PARD3: variants seen among roughly 807,000 people sequenced by gnomAD.
PARD3 encodes the protein partitioning defective 3 homolog.
In PARD3, 75 loss-of-function variants were observed where a neutral mutation model predicts 155.4. The ratio of observed to expected loss-of-function variants is 0.48; its 90% confidence interval spans 0.40 to 0.58. The LOEUF (loss-of-function observed/expected upper bound fraction) is 0.58. Ranked by LOEUF, PARD3 falls within the 20% of genes least tolerant of loss-of-function variation. The pLI is 0.00. For missense variants in PARD3, 1,642 were observed against 1,721.7 expected (o/e 0.95, Z 0.82); for synonymous variants, 576 against 610.5 (o/e 0.94, Z 0.83).
At chr10:34,504,472 A>G (rs1208255948) in intron 3 of PARD3, among the ~76,000 whole-genome samples, 1 of 152,170 alleles carries the variant, frequency 6.6e-6, no homozygotes, top group African/African-American at 2.4e-5. Context: ...TATGTAGGCA[A>G]TAAATTGACA....
chr10:34,727,201 T>C (rs1590839994), intron 1 of PARD3, among the ~76,000 whole-genome samples: 2 of 152,114 alleles, frequency 1.3e-5, no homozygotes, highest in East Asian at 1.9e-4. Flanking sequence ...GCCAGGCAGG[T>C]AAATGAGGGA....
chr10:34,578,330 T>C (rs1056053333), intron 2 of PARD3, among the ~76,000 whole-genome samples: 2 of 152,200 alleles, frequency 1.3e-5, no homozygotes, highest in African/African-American at 4.8e-5. Context: ...CATGCGAGCG[T>C]TGTTTATATC....
intron 2 of PARD3, among the ~76,000 whole-genome samples, chr10:34,542,234 T>TGTGTGTGTGTGTGTGCGCAC (rs143582528): frequency 6.8e-6 from 1 of 146,198 alleles, no homozygotes; most frequent in Non-Finnish European, 1.5e-5. Flanking sequence ...TGTGTGTGTG[T>TGTGTGTGTGTGTGTGCGCAC]GTGTGCACAC....
chr10:34,782,977 G>A (rs1433073574), intron 1 of PARD3, among the ~76,000 whole-genome samples: 5 of 152,022 alleles, frequency 3.3e-5, no homozygotes, highest in African/African-American at 7.2e-5. Flanking sequence ...CACCTACCTC[G>A]ACCTCTCAAA....
chr10:34,412,942 A>G lies in PARD3; in HGVS notation c.715-11025T>C, dbSNP rs186663948. Among the ~76,000 whole-genome samples the G allele has an allele frequency of 1.3e-3, 196 of 152,284 alleles. 1 individual carries two copies. Among genetic ancestry groups the G allele is most frequent in the African/African-American group, 4.5e-3 (187 of 41,552 alleles). On this transcript the variant is annotated intron_variant, in intron 5 of 24. Coordinates refer to ENST00000374788, the MANE Select transcript of PARD3 (RefSeq NM_001184785.2). ...ACATTACTTTCATTTACAAAAATAA[A>G]AGATTTGAAATATTTGTTGAGGTCA...
chr10:34,597,392 T>G lies in PARD3; in HGVS notation c.223-80233A>C, dbSNP rs1218187923. Among the ~76,000 whole-genome samples the G allele has an allele frequency of 3.3e-5, 5 of 151,804 alleles. No homozygotes were observed. The East Asian group carries it at 7.7e-4, about 23-fold the overall frequency. On this transcript the variant is annotated intron_variant, in intron 2 of 24. Coordinates refer to ENST00000374788, the MANE Select transcript of PARD3 (RefSeq NM_001184785.2). ...CCAATAAGTTTTGCTGGCATCAACA[T>G]CTTACTTTTTTAACTTTTTAAATTT...
rs570187723 is a variant in PARD3 at position 34,555,901 on chromosome 10, A to T, written c.223-38742T>A. 4.6e-5 allele frequency among the ~76,000 whole-genome samples: 7 copies of T among 152,342 alleles called. No homozygotes were observed. The South Asian group carries it at 1.5e-3, about 32-fold the overall frequency. ...CACCTCCTTCTAGCCACCACTGATG[A>T]CATCAGGGTTGGACCCTTTGATCTA... On this transcript the variant is annotated intron_variant, in intron 2 of 24. Transcript: ENST00000374788.
intron 2 of PARD3, among the ~76,000 whole-genome samples, chr10:34,630,309 A>G (rs1315719741): frequency 6.6e-6 from 1 of 152,212 alleles, no homozygotes; most frequent in East Asian, 1.9e-4. Flanking sequence ...CACCCTGCCC[A>G]GATGTGGCAG....
chr10:34,497,131 A>G (rs1490981706), intron 3 of PARD3, among the ~76,000 whole-genome samples: 1 of 152,208 alleles, frequency 6.6e-6, no homozygotes, highest in Non-Finnish European at 1.5e-5. Flanking sequence ...AAAATATCCA[A>G]TGTAGTAACA....
chr10:34,242,950 C>A (rs938753002), intron 22 of PARD3, among the ~76,000 whole-genome samples: 1 of 152,102 alleles, frequency 6.6e-6, no homozygotes, highest in African/African-American at 2.4e-5. Flanking sequence ...ATGATAATAA[C>A]CATAATTTAT....
chr10:34,232,927 C>T (rs1953009436), intron 22 of PARD3, among the ~76,000 whole-genome samples: 1 of 151,950 alleles, frequency 6.6e-6, no homozygotes, highest in East Asian at 1.9e-4. Flanking sequence ...TCTCAAACTC[C>T]TGGGCCTCCA....
At chr10:34,814,334 G>A (rs1006811240) in intron 1 of PARD3, among the ~76,000 whole-genome samples, 8 of 152,272 alleles carry the variant, frequency 5.3e-5, no homozygotes, top group African/African-American at 1.9e-4. Flanking sequence ...GGACATGGAG[G>A]AAAAGCCCCC....
In PARD3 at chr10:34,110,788, G is replaced by A. The variant is rs192671681; in HGVS notation, c.*381C>T. The A allele has an allele frequency of 8.6e-5, 14 of 162,226 alleles. No individual in the cohort carries two copies. The highest frequency in any genetic ancestry group is 5.0e-4 in the Admixed American group (8 of 15,874). The allele number at this position is 162,226 out of a possible 1,614,324, so 10.0% of individuals were successfully genotyped here. A position where few individuals can be genotyped will look rare whatever the true frequency, so the allele number is the denominator to read the frequency against. Reference sequence around the variant, plus strand: ...CATCCCATAGCTAAGAGAACTTAGAGGGAGAAACAGGGCCGCACGTCATCC... The same window carrying A: ...CATCCCATAGCTAAGAGAACTTAGAAGGAGAAACAGGGCCGCACGTCATCC... On this transcript the variant is annotated 3_prime_UTR_variant, in exon 25 of 25. Coordinates refer to ENST00000374788, the MANE Select transcript of PARD3 (RefSeq NM_001184785.2).
intron 22 of PARD3, among the ~76,000 whole-genome samples, chr10:34,232,477 C>T (rs1952984026): frequency 2.0e-5 from 3 of 152,060 alleles, no homozygotes; most frequent in African/African-American, 7.3e-5. Flanking sequence ...GACTTAAAAT[C>T]CCAACAACTT....
In PARD3 at chr10:34,298,402, A is replaced by C. The variant is rs545948637; in HGVS notation, c.3066-14157T>G. Among the ~76,000 whole-genome samples, 16 of 152,344 alleles carry C rather than the reference A, an allele frequency of 1.1e-4. No homozygotes were observed. The East Asian group carries it at 2.9e-3, about 28-fold the overall frequency. On this transcript the variant is annotated intron_variant, in intron 20 of 24. Coordinates refer to ENST00000374788, the MANE Select transcript of PARD3 (RefSeq NM_001184785.2). ...AAATGACGTATATACATACAATAAA[A>C]TACTACTCAGCTTCAAAAGGAAGGA...
At chr10:34,115,290 G>A (rs1040379971) in intron 24 of PARD3, among the ~76,000 whole-genome samples, 1 of 152,142 alleles carries the variant, frequency 6.6e-6, no homozygotes, top group Admixed American at 6.5e-5. Flanking sequence ...CGAGGGAGGG[G>A]AGAAAGATGA....
intron 2 of PARD3, among the ~76,000 whole-genome samples, chr10:34,678,728 A>C (rs373428249): frequency 1.1e-4 from 17 of 152,324 alleles, no homozygotes; most frequent in East Asian, 9.6e-4. Flanking sequence ...AAAAATGTTC[A>C]AAAATTAATC....
At chr10:34,358,278 G>A (rs1564624906) in intron 14 of PARD3, among the ~76,000 whole-genome samples, 2 of 152,140 alleles carry the variant, frequency 1.3e-5, no homozygotes, top group South Asian at 2.1e-4. Flanking sequence ...ATACAACAAA[G>A]TATGTTTTTC....
chr10:34,715,731 C>T (rs972863049), intron 1 of PARD3, among the ~76,000 whole-genome samples: 5 of 152,324 alleles, frequency 3.3e-5, no homozygotes, highest in East Asian at 1.9e-4. Flanking sequence ...CAAATATTCA[C>T]GAAGCATCTA....
Sources: allele counts gnomAD v4.1 joint callset (sites outside exome capture counted in the v4.1 genomes callset), GRCh38; gene constraint gnomAD v4.1.1; transcripts MANE v1.5; gene names NCBI Gene and HGNC (gene_info 2026-07-23, HGNC 2026-07-21).